GRM1: variants seen among roughly 807,000 people sequenced by gnomAD.
The protein encoded by GRM1 is metabotropic glutamate receptor 1.
GRM1 carries 33 observed loss-of-function variants against 90.9 expected under a neutral mutation model. The ratio of observed to expected loss-of-function variants is 0.36; its 90% CI spans 0.28 to 0.49. The LOEUF (loss-of-function observed/expected upper bound fraction) is 0.49, where lower values mean the gene tolerates loss of function less well. Among genes scored for constraint, GRM1 ranks in the 20% least tolerant of loss-of-function variants. The pLI is 0.99. For synonymous variants in GRM1, 700 were observed against 613.2 expected (o/e 1.14, Z -2.09); for missense variants, 1,190 against 1,534.3 (o/e 0.78, Z 3.75).
At chr6:146,209,565 A>G (rs192246574) in intron 2 of GRM1, among the ~76,000 whole-genome samples, 1 of 152,252 alleles carries the variant, frequency 6.6e-6, no homozygotes, top group East Asian at 1.9e-4. Flanking sequence ...AGAAAAAAAA[A>G]TTATGTATAG....
In GRM1 at chr6:146,054,320, G is replaced by A. The variant is rs551158256; in HGVS notation, c.700+24103G>A. Reference sequence around the variant, plus strand: ...ATTTACATTCTCTGGATGATTGGAAGAAGAAATGGAAAACAAGCATCATAT... The same window carrying A: ...ATTTACATTCTCTGGATGATTGGAAAAAGAAATGGAAAACAAGCATCATAT... On this transcript the variant is annotated intron_variant, in intron 1 of 7. Coordinates refer to ENST00000282753, the MANE Select transcript of GRM1 (RefSeq NM_001278064.2). Among the ~76,000 whole-genome samples the A allele has an allele frequency of 2.6e-5, 4 of 152,176 alleles. No homozygotes were observed. In the South Asian group the frequency reaches 8.3e-4, roughly 32 times the overall value.
intron 1 of GRM1, among the ~76,000 whole-genome samples, chr6:146,071,254 A>G (rs536084183): frequency 2.6e-5 from 4 of 152,282 alleles, no homozygotes; most frequent in Middle Eastern, 3.4e-3. Flanking sequence ...GCTTCCGTCT[A>G]GTTCTCTTTG....
chr6:146,228,558 C>T (rs753115869), intron 2 of GRM1, among the ~76,000 whole-genome samples: 1 of 152,106 alleles, frequency 6.6e-6, no homozygotes, highest in African/African-American at 2.4e-5. Flanking sequence ...ACATTCAAAC[C>T]ATAGCAACCG....
chr6:146,372,096 G>A (rs768564490), intron 5 of GRM1, among the ~76,000 whole-genome samples: 28 of 152,110 alleles, frequency 1.8e-4, no homozygotes, highest in Admixed American at 7.9e-4. Flanking sequence ...CAAGGATTCC[G>A]TTTTCTTCTC....
intron 2 of GRM1, among the ~76,000 whole-genome samples, chr6:146,188,004 G>A (rs1778796675): frequency 6.6e-6 from 1 of 152,012 alleles, no homozygotes; most frequent in African/African-American, 2.4e-5. Context: ...TGTGCAGAGA[G>A]CACTTTCTTT....
chr6:146,424,939 G>C lies in GRM1; in HGVS notation c.2661-8933G>C, dbSNP rs149009483. On this transcript the variant is annotated intron_variant, in intron 7 of 7. Transcript: ENST00000282753. ...TTGCTAACATTTACATTGTTTTAAT[G>C]ATCTTTTGATTTCGAGTAGGCATCT... 2.6e-3 allele frequency among the ~76,000 whole-genome samples: 390 copies of C among 152,168 alleles called. 3 individuals are homozygous for C. The highest frequency in any genetic ancestry group is 9.2e-3 in the African/African-American group (380 of 41,514).
In GRM1 at chr6:146,314,051, C is replaced by CTTTTTTTTT. The variant is rs552986343; in HGVS notation, c.1186+9229_1186+9237dup. Reference sequence around the variant, plus strand: ...CACTGTATATATCAATAGTTAATTCCTTTTTTTTTTTTTTTTTTTTTTTTT... The same window carrying CTTTTTTTTT: ...CACTGTATATATCAATAGTTAATTCCTTTTTTTTTTTTTTTTTTTTTTTTTTTTTTTTTT... On this transcript the variant is annotated intron_variant, in intron 3 of 7. Transcript: ENST00000282753. Among the ~76,000 whole-genome samples, 57 of 61,998 alleles carry CTTTTTTTTT rather than the reference C, an allele frequency of 9.2e-4. 7 individuals carry two copies. The highest frequency in any genetic ancestry group is 2.1e-3 in the East Asian group (3 of 1,444). 40.7% of individuals were successfully genotyped at this position (61,998 alleles called of 152,430 possible).
At chr6:146,130,586 G>A (rs756990712) in intron 1 of GRM1, among the ~76,000 whole-genome samples, 21 of 151,878 alleles carry the variant, frequency 1.4e-4, no homozygotes, top group Non-Finnish European at 2.2e-4. Flanking sequence ...TGAACTCACC[G>A]TTTACTATAT....
chr6:146,059,608 C>G (rs1423604433), intron 1 of GRM1, among the ~76,000 whole-genome samples: 1 of 152,120 alleles, frequency 6.6e-6, no homozygotes, highest in Non-Finnish European at 1.5e-5. Context: ...AGCTTTGGAG[C>G]TAGCATCGAC....
intron 6 of GRM1, among the ~76,000 whole-genome samples, chr6:146,396,370 T>C (rs892660354): frequency 2.0e-5 from 3 of 152,098 alleles, no homozygotes; most frequent in African/African-American, 7.2e-5. Context: ...TAAAATAAAG[T>C]GATCTTTCAT....
intron 1 of GRM1, among the ~76,000 whole-genome samples, chr6:146,098,059 T>C (rs1776931746): frequency 6.6e-6 from 1 of 152,194 alleles, no homozygotes; most frequent in Admixed American, 6.5e-5. Flanking sequence ...CTGATATTAA[T>C]TGAATAAAAT....
intron 5 of GRM1, among the ~76,000 whole-genome samples, chr6:146,381,196 A>C (rs879299873): frequency 1.3e-5 from 2 of 152,162 alleles, no homozygotes; most frequent in Non-Finnish European, 2.9e-5. Context: ...CCTAGGACTC[A>C]CCTAAAAGTT....
At chr6:146,370,157 G>A (rs1043613444) in intron 5 of GRM1, among the ~76,000 whole-genome samples, 1 of 151,980 alleles carries the variant, frequency 6.6e-6, no homozygotes, top group African/African-American at 2.4e-5. Flanking sequence ...CTCTTTTAAA[G>A]ACTCAGCCTT....
intron 7 of GRM1, among the ~76,000 whole-genome samples, chr6:146,414,548 G>T (rs1020191313): frequency 2.6e-5 from 4 of 151,974 alleles, no homozygotes; most frequent in African/African-American, 9.6e-5. Context: ...GACTACAGGC[G>T]CCCGCCACCA....
chr6:146,128,464 C>T (rs1430557433), intron 1 of GRM1, among the ~76,000 whole-genome samples: 2 of 152,064 alleles, frequency 1.3e-5, no homozygotes, highest in Admixed American at 1.3e-4. Context: ...AAAAATGCAG[C>T]ATAGGGAGTC....
chr6:146,394,485 C>T (rs1186199079), intron 6 of GRM1, among the ~76,000 whole-genome samples: 1 of 152,090 alleles, frequency 6.6e-6, no homozygotes, highest in African/African-American at 2.4e-5. Context: ...TATTAGCATG[C>T]TCCAAGGTCT....
chr6:146,223,437 T>A (rs1342386919), intron 2 of GRM1, among the ~76,000 whole-genome samples: 1 of 152,070 alleles, frequency 6.6e-6, no homozygotes, highest in Non-Finnish European at 1.5e-5. Flanking sequence ...AGGGTAGACC[T>A]GTGACCGACC....
At chr6:146,124,599 C>A (rs1205665831) in intron 1 of GRM1, among the ~76,000 whole-genome samples, 1 of 151,978 alleles carries the variant, frequency 6.6e-6, no homozygotes, top group Non-Finnish European at 1.5e-5. Context: ...TCAACTATAC[C>A]TATTTCTGTG....
At chr6:146,276,695 G>T (rs1418453658) in intron 2 of GRM1, among the ~76,000 whole-genome samples, 3 of 151,992 alleles carry the variant, frequency 2.0e-5, no homozygotes, top group African/African-American at 7.2e-5. Context: ...AAAATGAATT[G>T]TTAGTTAAAA....
Sources: gnomAD v4.1 joint callset for allele counts (sites outside exome capture counted in the v4.1 genomes callset) on GRCh38, gnomAD v4.1.1 for gene constraint, MANE v1.5 for transcripts, NCBI Gene and HGNC (gene_info 2026-07-23, HGNC 2026-07-21) for gene names.